The following MYH9 variants were observed in gnomAD, a reference collection of about 807,000 sequenced individuals.
MYH9 encodes myosin heavy chain 9, also known as myosin-9.
MYH9 carries 29 observed loss-of-function variants against 241.9 expected under a neutral mutation model. That is an observed-to-expected ratio of 0.12 (90% CI 0.09 to 0.16). MYH9 has a LOEUF of 0.16. Ranked by LOEUF, MYH9 falls within the 10% of genes least tolerant of loss-of-function variation. The probability of loss-of-function intolerance (pLI) is 1.00; values close to 1 mark genes in which losing one functional copy is unlikely to be tolerated. For synonymous variants in MYH9, 1,047 were observed against 1,062.6 expected (o/e 0.99, Z 0.29); for missense variants, 1,803 against 2,595.5 (o/e 0.69, Z 6.63).
chr22:36,352,375 C>T (rs1195771166), intron 1 of MYH9, among the ~76,000 whole-genome samples: 1 of 152,240 alleles, frequency 6.6e-6, no homozygotes, highest in Non-Finnish European at 1.5e-5. Flanking sequence ...CGCAAGCTTG[C>T]AGCCCATCAG....
chr22:36,318,182 G>GC (rs771204471), intron 11 of MYH9, 25 bp downstream of exon 11: 117 of 1,602,088 alleles, frequency 7.3e-5, no homozygotes, highest in Non-Finnish European at 9.8e-5. Flanking sequence ...GAGGCAGCCA[G>GC]CTGCCCTGGC....
Position 36,300,880 on chromosome 22 carries a change from C to G in MYH9, c.2809G>C (p.Glu937Gln). 6.2e-7 allele frequency: 1 copy of G among 1,603,884 alleles called. No homozygotes were observed. Among genetic ancestry groups the G allele is most frequent in the Non-Finnish European group, 8.5e-7 (1 of 1,179,966 alleles). Reference sequence around the variant, plus strand: ...ATGTTCTGCTGCATCTTCTTCTTCTCCGCCTGCAGGTGCTGGCAGCGCTCC... The same window carrying G: ...ATGTTCTGCTGCATCTTCTTCTTCTGCGCCTGCAGGTGCTGGCAGCGCTCC... ...EEERCQHLQA[E>Q]KKKMQQNIQE... The change falls in exon 22 of 41, where the codon GAG (glutamate) becomes CAG (glutamine). Residue 937 changes from glutamate (E) to glutamine (Q), a missense_variant. Physicochemically the swap from Glu to Gln is conservative, Grantham distance 29. Transcript: ENST00000216181. This position sits in a 1 kb window ranked among gnomAD's most constrained non-coding sequence, Gnocchi z 5.0.
At chr22:36,333,046 T>C (rs112391850) in intron 3 of MYH9, among the ~76,000 whole-genome samples, 3 of 152,130 alleles carry the variant, frequency 2.0e-5, no homozygotes, top group Non-Finnish European at 2.9e-5. Flanking sequence ...GGGGCCCCTG[T>C]TGACTTCTGC....
chr22:36,360,567 G>A (rs185246603), intron 1 of MYH9, among the ~76,000 whole-genome samples: 15 of 151,994 alleles, frequency 9.9e-5, no homozygotes, highest in African/African-American at 3.4e-4. Context: ...CAAAAAATTA[G>A]CCGGGCATGG....
intron 1 of MYH9, among the ~76,000 whole-genome samples, chr22:36,370,211 C>T (rs577945574): frequency 3.0e-4 from 46 of 152,230 alleles, no homozygotes; most frequent in African/African-American, 1.1e-3. Context: ...GGTGGGAGAA[C>T]CAAGATTAGG....
rs7078 is a variant in MYH9 at position 36,281,868 on chromosome 22, A to G, written c.*800T>C. On this transcript the variant is annotated 3_prime_UTR_variant, in exon 41 of 41. Coordinates refer to ENST00000216181, the MANE Select transcript of MYH9 (RefSeq NM_002473.6). ...TTGGGACAAGTCCCTTAACCATTAAATATATTTGGTCCCCAAGAGTGTTGG... is the reference window on the plus strand; with the variant it reads ...TTGGGACAAGTCCCTTAACCATTAAGTATATTTGGTCCCCAAGAGTGTTGG... The G allele has an allele frequency of 0.24, 55,465 of 230,108 alleles. 7,389 individuals carry two copies. Among genetic ancestry groups the G allele is most frequent in the Middle Eastern group, 0.3 (227 of 760 alleles). 14.3% of individuals were successfully genotyped at this position (230,108 alleles called of 1,614,324 possible). A position where few individuals can be genotyped will look rare whatever the true frequency, so the allele number is the denominator to read the frequency against.
intron 31 of MYH9, among the ~76,000 whole-genome samples, chr22:36,290,338 C>CAA (rs530199922): frequency 0.019 from 1,041 of 53,594 alleles, 19 homozygotes; most frequent in African/African-American, 0.052. Flanking sequence ...AGACAGTCTC[C>CAA]AAAAAAAAAA....
chr22:36,325,544 C>T (rs2017322230), intron 5 of MYH9, among the ~76,000 whole-genome samples: 1 of 152,214 alleles, frequency 6.6e-6, no homozygotes, highest in South Asian at 2.1e-4. Context: ...GTCTGATCAC[C>T]CCAACCTCTG....
intron 13 of MYH9, 59 bp downstream of exon 13, chr22:36,314,086 G>A: frequency 1.3e-6 from 2 of 1,564,156 alleles, no homozygotes; most frequent in South Asian, 2.2e-5. Context: ...TGAGGAGCGG[G>A]TGCCCCGGAA....
At chr22:36,385,176 C>T (rs539504315) in intron 1 of MYH9, among the ~76,000 whole-genome samples, 123 of 148,802 alleles carry the variant, frequency 8.3e-4, no homozygotes, top group Admixed American at 2.3e-3. Flanking sequence ...TTTTTTCTCT[C>T]TCTCTCTTTT....
At chr22:36,347,107 T>G (rs2017688830) in intron 2 of MYH9, among the ~76,000 whole-genome samples, 1 of 152,124 alleles carries the variant, frequency 6.6e-6, no homozygotes, top group South Asian at 2.1e-4. Flanking sequence ...AATTTGGGGT[T>G]GATATTGGAC....
At chr22:36,364,539 G>T (rs1481482010) in intron 1 of MYH9, among the ~76,000 whole-genome samples, 1 of 152,112 alleles carries the variant, frequency 6.6e-6, no homozygotes, top group Non-Finnish European at 1.5e-5. Context: ...GACAGCAAGG[G>T]CCACCCACAA....
Position 36,300,750 on chromosome 22 carries a change from C to CT in MYH9, c.2838+100dup. The CT allele has an allele frequency of 2.2e-6, 3 of 1,382,252 alleles. No homozygotes were observed. Among genetic ancestry groups the CT allele is most frequent in the Non-Finnish European group, 3.0e-6 (3 of 993,248 alleles). The allele number at this position is 1,382,252 out of a possible 1,614,324, so 85.6% of individuals were successfully genotyped here. ...AGCAGATTGCGTGAGGAGCAGCCTC[C>CT]TTGGACCCTAATTCCATGTTCTCCC... On this transcript the variant is annotated intron_variant, in intron 22 of 40. Coordinates refer to ENST00000216181, the MANE Select transcript of MYH9 (RefSeq NM_002473.6). The surrounding 1 kb of genome is among the most constrained non-coding windows in gnomAD (Gnocchi z 5.0).
intron 1 of MYH9, among the ~76,000 whole-genome samples, chr22:36,377,993 A>C (rs1196083903): frequency 6.7e-6 from 1 of 149,494 alleles, no homozygotes; most frequent in African/African-American, 2.5e-5. Context: ...GAAAAGGAGA[A>C]GCTGGACGAG....
chr22:36,286,271 G>A (rs1331463653), intron 35 of MYH9, among the ~76,000 whole-genome samples: 1 of 152,194 alleles, frequency 6.6e-6, no homozygotes, highest in Non-Finnish European at 1.5e-5. Flanking sequence ...TCCCTGTTCT[G>A]GGTAAGCCAG....
rs1603484407 is a variant in MYH9, at chr22:36,366,114, G to A, written c.-19-16859C>T. ...GAGGCAAAAGAATCACTTGAACCTG[G>A]GAGGCAGAATTTGCAGTGAGCCAAG... On this transcript the variant is annotated intron_variant, in intron 1 of 40. Transcript: ENST00000216181. Among the ~76,000 whole-genome samples, 3 of 152,206 alleles carry A rather than the reference G, an allele frequency of 2.0e-5. No individual in the cohort carries two copies. In the South Asian group the frequency reaches 6.2e-4, roughly 32 times the overall value.
At chr22:36,298,208 A>G (rs1236038080) in intron 24 of MYH9, among the ~76,000 whole-genome samples, 1 of 152,044 alleles carries the variant, frequency 6.6e-6, no homozygotes, top group Admixed American at 6.5e-5. Context: ...TCCCCTGGGT[A>G]TGAGCTCAGA....
In MYH9 at chr22:36,295,404, G is replaced by GTA; in HGVS notation, c.3485+100_3485+101insTA. 1.1e-6 allele frequency: 1 copy of GTA among 908,700 alleles called. No homozygotes were observed. The highest frequency in any genetic ancestry group is 1.4e-5 in the South Asian group (1 of 72,400). 56.3% of individuals were successfully genotyped at this position (908,700 alleles called of 1,614,324 possible). On this transcript the variant is annotated intron_variant, in intron 26 of 40. Transcript: ENST00000216181. The surrounding 1 kb of genome is among the most constrained non-coding windows in gnomAD (Gnocchi z 4.1). ...TGCTGGTGCCTAAGAGGGCCACGGTGTGTGTGTGTGTGTGTGTGCAGAGGC... is the reference window on the plus strand; with the variant it reads ...TGCTGGTGCCTAAGAGGGCCACGGTGTATGTGTGTGTGTGTGTGTGCAGAGGC...
At chr22:36,357,595 GT>G (rs2017876317) in intron 1 of MYH9, among the ~76,000 whole-genome samples, 1 of 152,154 alleles carries the variant, frequency 6.6e-6, no homozygotes, top group African/African-American at 2.4e-5. Context: ...ATCACACCCG[GT>G]TGAGCCCACT....
Sources: allele counts gnomAD v4.1 joint callset (sites outside exome capture counted in the v4.1 genomes callset), GRCh38; gene constraint gnomAD v4.1.1; non-coding constraint Gnocchi (gnomAD v3.1); transcripts MANE v1.5; gene names NCBI Gene and HGNC (gene_info 2026-07-23, HGNC 2026-07-21).